Variants in PTPRD observed in about 807,000 individuals in gnomAD.
The protein encoded by PTPRD is receptor-type tyrosine-protein phosphatase delta.
PTPRD carries 34 observed loss-of-function variants against 214.5 expected under a neutral mutation model. That is an observed-to-expected ratio of 0.16 (90% CI 0.12 to 0.21). The LOEUF is 0.21. Among genes scored for constraint, PTPRD ranks in the 10% least tolerant of loss-of-function variants. The pLI, the probability that PTPRD is intolerant of heterozygous loss-of-function variation, is 1.00. For missense variants in PTPRD, 2,545 were observed against 2,398.7 expected (o/e 1.06, Z -1.27); for synonymous variants, 1,128 against 845.7 (o/e 1.33, Z -5.79).
At chr9:10,165,620 A>C (rs1273858311) in intron 3 of PTPRD, among the ~76,000 whole-genome samples, 1 of 151,806 alleles carries the variant, frequency 6.6e-6, no homozygotes, top group Non-Finnish European at 1.5e-5. Context: ...AATGCTTTCA[A>C]ATTAAGAATA....
At chr9:10,609,665 A>C (rs2080430776) in intron 2 of PTPRD, among the ~76,000 whole-genome samples, 1 of 152,128 alleles carries the variant, frequency 6.6e-6, no homozygotes, top group African/African-American at 2.4e-5. Context: ...ATACACAGGA[A>C]AGATATCATG....
chr9:10,072,849 A>G lies in PTPRD; in HGVS notation c.-544-39059T>C, dbSNP rs542956811. Reference sequence around the variant, plus strand: ...AATTATCACTTTCTAGTTATTTACTAAACTGATTTGAAAATATATAGCCAC... The same window carrying G: ...AATTATCACTTTCTAGTTATTTACTGAACTGATTTGAAAATATATAGCCAC... On this transcript the variant is annotated intron_variant, in intron 3 of 45. Transcript: ENST00000381196. Among the ~76,000 whole-genome samples, 4 of 152,202 alleles carry G rather than the reference A, an allele frequency of 2.6e-5. No individual in the cohort carries two copies. The East Asian group carries it at 7.8e-4, about 30-fold the overall frequency.
rs1369047056 is a variant in PTPRD, at chr9:9,314,478, G to A, written c.-203+82971C>T. On this transcript the variant is annotated intron_variant, in intron 9 of 45. Transcript: ENST00000381196. ...CAGGTGATTTTTTGTTGTTGTTGCA[G>A]TTTTTGGTAGTTTATGATTTCATGG... 3.9e-5 allele frequency among the ~76,000 whole-genome samples: 6 copies of A among 152,226 alleles called. No individual in the cohort carries two copies. In the East Asian group the frequency reaches 9.7e-4, roughly 25 times the overall value.
chr9:10,270,220 A>T (rs1228057132), intron 3 of PTPRD, among the ~76,000 whole-genome samples: 1 of 148,474 alleles, frequency 6.7e-6, no homozygotes, highest in Non-Finnish European at 1.5e-5. Context: ...TCAAATTATT[A>T]AAAAAGATTA....
intron 2 of PTPRD, among the ~76,000 whole-genome samples, chr9:10,480,032 G>C (rs1017100803): frequency 2.6e-5 from 4 of 152,110 alleles, no homozygotes; most frequent in Non-Finnish European, 4.4e-5. Context: ...ATGAATGATT[G>C]TTCTCATCCT....
At chr9:10,177,934 T>C (rs985839774) in intron 3 of PTPRD, among the ~76,000 whole-genome samples, 4 of 151,940 alleles carry the variant, frequency 2.6e-5, no homozygotes, top group African/African-American at 9.7e-5. Flanking sequence ...AAATAGCCAA[T>C]TGCAAACCAA....
At chr9:9,905,140 G>A (rs368622507) in intron 5 of PTPRD, among the ~76,000 whole-genome samples, 68 of 151,934 alleles carry the variant, frequency 4.5e-4, no homozygotes, top group African/African-American at 1.6e-3. Flanking sequence ...AATTTAGTTC[G>A]TACTTGAACA....
At chr9:10,456,977 G>C (rs190995607) in intron 2 of PTPRD, among the ~76,000 whole-genome samples, 15 of 151,714 alleles carry the variant, frequency 9.9e-5, no homozygotes, top group Admixed American at 2.0e-4. Context: ...ACTGTATACT[G>C]GTTTCAGAAT....
chr9:8,443,621 A>G (rs1165371519), intron 34 of PTPRD, among the ~76,000 whole-genome samples: 1 of 152,168 alleles, frequency 6.6e-6, no homozygotes, highest in Non-Finnish European at 1.5e-5. Context: ...CGAGTTTTAA[A>G]TCTCTTTTCC....
intron 9 of PTPRD, among the ~76,000 whole-genome samples, chr9:9,388,514 T>A (rs1420685413): frequency 6.6e-6 from 1 of 152,074 alleles, no homozygotes; most frequent in Non-Finnish European, 1.5e-5. Flanking sequence ...CCAAGTAAAC[T>A]AAGATGTATG....
chr9:9,040,946 A>G (rs324524), intron 10 of PTPRD, among the ~76,000 whole-genome samples: 43,882 of 151,888 alleles, frequency 0.29, 6,885 homozygotes, highest in Non-Finnish European at 0.34. Flanking sequence ...TTCTCACACA[A>G]TGACTTGTGC....
chr9:10,499,080 C>G (rs184099304), intron 2 of PTPRD, among the ~76,000 whole-genome samples: 23 of 151,874 alleles, frequency 1.5e-4, no homozygotes, highest in Non-Finnish European at 3.2e-4. Flanking sequence ...ATTCCCTCAG[C>G]AAAAGTTGGG....
intron 12 of PTPRD, among the ~76,000 whole-genome samples, chr9:8,676,631 T>C (rs1469759943): frequency 6.6e-6 from 1 of 152,118 alleles, no homozygotes; most frequent in African/African-American, 2.4e-5. Flanking sequence ...TGGAGTGCAA[T>C]GGCGCGATCT....
intron 12 of PTPRD, among the ~76,000 whole-genome samples, chr9:8,727,757 A>G (rs528387661): frequency 2.8e-4 from 42 of 152,196 alleles, no homozygotes; most frequent in African/African-American, 9.6e-4. Flanking sequence ...GGCTCAAGCA[A>G]TCCTCCCTCT....
chr9:8,616,615 C>T (rs956297561), intron 14 of PTPRD, among the ~76,000 whole-genome samples: 2 of 151,972 alleles, frequency 1.3e-5, no homozygotes, highest in Admixed American at 1.3e-4. Context: ...TTCACTATTT[C>T]TTATCAAAAA....
intron 3 of PTPRD, among the ~76,000 whole-genome samples, chr9:10,261,432 A>G (rs2093693901): frequency 6.6e-6 from 1 of 152,152 alleles, no homozygotes; most frequent in African/African-American, 2.4e-5. Context: ...CATTAAAATC[A>G]GACATAGATA....
intron 11 of PTPRD, among the ~76,000 whole-genome samples, chr9:8,992,471 G>T (rs959046900): frequency 6.6e-6 from 1 of 151,998 alleles, no homozygotes; most frequent in African/African-American, 2.4e-5. Context: ...TTGCTCAGAG[G>T]CTCTCACTCT....
At chr9:9,336,540 G>T in intron 9 of PTPRD, among the ~76,000 whole-genome samples, 1 of 152,064 alleles carries the variant, frequency 6.6e-6, no homozygotes, top group South Asian at 2.1e-4. Flanking sequence ...AAATGATAAA[G>T]TTCATTATTT....
At chr9:8,986,477 T>C (rs1325634209) in intron 11 of PTPRD, among the ~76,000 whole-genome samples, 2 of 151,726 alleles carry the variant, frequency 1.3e-5, no homozygotes, top group African/African-American at 2.4e-5. Flanking sequence ...TTTTTTCTTA[T>C]TTTATATACC....
Sources: gnomAD v4.1 joint callset for allele counts (sites outside exome capture counted in the v4.1 genomes callset) on GRCh38, gnomAD v4.1.1 for gene constraint, MANE v1.5 for transcripts, NCBI Gene and HGNC (gene_info 2026-07-23, HGNC 2026-07-21) for gene names.